The following LRRIQ1 variants were observed in gnomAD, a reference collection of about 807,000 sequenced individuals.
The protein encoded by LRRIQ1 is leucine rich repeats and IQ motif containing 1.
In LRRIQ1, 210 loss-of-function variants were observed where a neutral mutation model predicts 211.9. That is an observed-to-expected ratio of 0.99 (90% confidence interval 0.89 to 1.11). The LOEUF (loss-of-function observed/expected upper bound fraction) is 1.11. Among genes scored for constraint, LRRIQ1 ranks in the 50% most tolerant of loss-of-function variants. LRRIQ1 has a pLI of 0.00. For synonymous variants in LRRIQ1, 699 were observed against 650.1 expected (o/e 1.08, Z -1.14); for missense variants, 2,136 against 1,939.5 (o/e 1.10, Z -1.90).
intron 4 of LRRIQ1, among the ~76,000 whole-genome samples, chr12:85,045,800 C>T (rs912858620): frequency 1.5e-4 from 22 of 151,598 alleles, no homozygotes; most frequent in African/African-American, 4.4e-4. Flanking sequence ...ATTAGAGTTC[C>T]GAAAAACATA....
intron 18 of LRRIQ1, among the ~76,000 whole-genome samples, chr12:85,135,512 C>G (rs1218388107): frequency 6.6e-5 from 10 of 150,818 alleles, no homozygotes; most frequent in Admixed American, 6.0e-4. Context: ...TGTAAAAATA[C>G]AAAAAAAATA....
In LRRIQ1 at chr12:85,056,707, A is replaced by C. The variant is rs1346383049; in HGVS notation, c.1914A>C (p.Lys638Asn). 2 of 1,607,506 alleles carry C rather than the reference A, an allele frequency of 1.2e-6. No individual in the cohort carries two copies. The highest frequency in any genetic ancestry group is 1.7e-6 in the Non-Finnish European group (2 of 1,178,178). The change falls in exon 8 of 27, where the codon AAA becomes AAC. Residue 638 changes from lysine to asparagine, a missense_variant. Coordinates refer to ENST00000393217, the MANE Select transcript of LRRIQ1 (RefSeq NM_001079910.2). ...TACAAGAAAAAGAAATTTATTCAAA[A>C]TCCAAAGAAATTGAGGAGAACCCAA... ...VILQEKEIYS[K>N]SKEIEENPKD...
At chr12:85,075,121 C>A (rs976099810) in intron 11 of LRRIQ1, among the ~76,000 whole-genome samples, 2 of 152,024 alleles carry the variant, frequency 1.3e-5, no homozygotes, top group Admixed American at 6.6e-5. Context: ...AACTCATTTG[C>A]TTTTCACATC....
At position 85,153,751 on chromosome 12, in the gene LRRIQ1, G is replaced by C; in HGVS notation, c.4630G>C (p.Glu1544Gln). Residue 1544 changes from glutamate to glutamine, a missense_variant, in exon 22 of 27, where the codon GAA becomes CAA. Coordinates refer to ENST00000393217, the MANE Select transcript of LRRIQ1 (RefSeq NM_001079910.2). Reference protein sequence around the residue: ...LKSEKEKKISEEWGFKDISTA... With the variant: ...LKSEKEKKISQEWGFKDISTA... Reference sequence around the variant, plus strand: ...ATCTGAAAAAGAAAAAAAAATTTCAGAAGAATGGTATGTAGTCAATTTGAC... The same window carrying C: ...ATCTGAAAAAGAAAAAAAAATTTCACAAGAATGGTATGTAGTCAATTTGAC... 3.9e-6 allele frequency: 6 copies of C among 1,548,814 alleles called. No homozygotes were observed. Among genetic ancestry groups the C allele is most frequent in the Non-Finnish European group, 4.4e-6 (5 of 1,140,928 alleles).
At chr12:85,123,502 G>A (rs1453911712) in intron 16 of LRRIQ1, among the ~76,000 whole-genome samples, 1 of 152,034 alleles carries the variant, frequency 6.6e-6, no homozygotes, top group Non-Finnish European at 1.5e-5. Context: ...AATTATACAA[G>A]TTATAAAATT....
intron 24 of LRRIQ1, among the ~76,000 whole-genome samples, chr12:85,185,576 A>T (rs1019129030): frequency 6.6e-6 from 1 of 151,988 alleles, no homozygotes; most frequent in African/African-American, 2.4e-5. Flanking sequence ...GATGTTTTAA[A>T]CATTTATTAT....
the LRRIQ1 span, among the ~76,000 whole-genome samples, chr12:85,270,844 T>C: frequency 6.6e-6 from 1 of 152,134 alleles, no homozygotes; most frequent in Non-Finnish European, 1.5e-5. Context: ...AGCCAGCGAG[T>C]GGTAGAGCTG....
At chr12:85,262,541 A>G (rs972074700) in intron 1 of LRRIQ1, among the ~76,000 whole-genome samples, 2 of 151,914 alleles carry the variant, frequency 1.3e-5, no homozygotes, top group African/African-American at 2.4e-5. Flanking sequence ...TTTTATTATA[A>G]TAATATAAAT....
intron 1 of LRRIQ1, among the ~76,000 whole-genome samples, chr12:85,256,766 A>G (rs1896106867): frequency 6.6e-6 from 1 of 151,240 alleles, no homozygotes; most frequent in Non-Finnish European, 1.5e-5. Context: ...TTAACGGGAA[A>G]GTTCCATTGA....
At chr12:85,231,678 G>A (rs533956798) in intron 25 of LRRIQ1, among the ~76,000 whole-genome samples, 1 of 152,076 alleles carries the variant, frequency 6.6e-6, no homozygotes, top group South Asian at 2.1e-4. Context: ...AACCCAAGGG[G>A]TATACTGGCT....
intron 24 of LRRIQ1, among the ~76,000 whole-genome samples, chr12:85,162,269 A>C (rs552305000): frequency 6.6e-6 from 1 of 152,300 alleles, no homozygotes; most frequent in Non-Finnish European, 1.5e-5. Flanking sequence ...ATATTTTGAT[A>C]GAATTAAAAT....
At chr12:85,157,066 T>C (rs1890591708) in intron 23 of LRRIQ1, among the ~76,000 whole-genome samples, 2 of 151,860 alleles carry the variant, frequency 1.3e-5, no homozygotes, top group African/African-American at 2.4e-5. Flanking sequence ...TTTTATTTAT[T>C]TAAGATGAAA....
rs376081914 is a variant in LRRIQ1, at chr12:85,056,512, A to G, written c.1719A>G (p.Lys573=). The change falls in exon 8 of 27, where the codon AAA becomes AAG. Residue 573 remains lysine (K), a synonymous_variant. Transcript: ENST00000393217. ...AGGTGAAAACCAATGAAGAGCAGAA[A>G]ATAATCAAAGATAATCAGCAGAAAA... ...ISEVKTNEEQ[K]IIKDNQQKKI... 3.7e-6 allele frequency: 6 copies of G among 1,612,080 alleles called. No individual in the cohort carries two copies. The highest frequency in any genetic ancestry group is 1.6e-4 in the Middle Eastern group (1 of 6,072).
At chr12:85,227,859 A>G (rs1268949791) in intron 24 of LRRIQ1, among the ~76,000 whole-genome samples, 1 of 152,210 alleles carries the variant, frequency 6.6e-6, no homozygotes, top group African/African-American at 2.4e-5. Context: ...GCCCTCAGCA[A>G]TAATACCACA....
chr12:85,114,247 A>AT lies in LRRIQ1; in HGVS notation c.3378-7441dup, dbSNP rs200588973. On this transcript the variant is annotated intron_variant, in intron 15 of 26. Transcript: ENST00000393217. ...TATCTGATGGGTTGTTTTTAGGTGG[A>AT]TTTTTTTTTCCTAGTAACTATACGG... Among the ~76,000 whole-genome samples the AT allele has an allele frequency of 1.9e-3, 294 of 151,458 alleles. 1 individual carries two copies. Among genetic ancestry groups the AT allele is most frequent in the African/African-American group, 6.9e-3 (284 of 41,262 alleles).
intron 24 of LRRIQ1, among the ~76,000 whole-genome samples, chr12:85,191,714 A>G (rs1050385468): frequency 1.8e-4 from 28 of 151,998 alleles, no homozygotes; most frequent in African/African-American, 6.8e-4. Context: ...GAGTGTGTTT[A>G]GTTTTGTAAG....
chr12:85,099,118 A>G (rs1032763299), intron 13 of LRRIQ1, 124 bp downstream of exon 13: 3 of 513,228 alleles, frequency 5.8e-6, no homozygotes, highest in East Asian at 4.0e-5. Flanking sequence ...AAAATAAATT[A>G]GTATATAAAT....
chr12:85,214,563 C>T (rs532932964), intron 24 of LRRIQ1, among the ~76,000 whole-genome samples: 1 of 151,782 alleles, frequency 6.6e-6, no homozygotes, highest in African/African-American at 2.4e-5. Flanking sequence ...AAAACAGCAG[C>T]GGGAGAGCCA....
rs551624747 is a variant in LRRIQ1 at position 85,240,890 on chromosome 12, G to A, written c.5017-3899G>A. On this transcript the variant is annotated intron_variant, in intron 26 of 26. Transcript: ENST00000393217. ...GATGTGACTATAAAGGAGAACAACA[G>A]AGTTTCTTTGGGAAGACGGAATAGA... Among the ~76,000 whole-genome samples the A allele has an allele frequency of 4.5e-4, 68 of 152,170 alleles. 1 individual carries two copies. Among genetic ancestry groups the A allele is most frequent in the East Asian group, 1.9e-4 (1 of 5,184 alleles).
Sources: gnomAD v4.1 joint callset for allele counts (sites outside exome capture counted in the v4.1 genomes callset) on GRCh38, gnomAD v4.1.1 for gene constraint, MANE v1.5 for transcripts, NCBI Gene and HGNC (gene_info 2026-07-23, HGNC 2026-07-21) for gene names.